Variants in ERC2 observed in about 807,000 individuals in gnomAD.
The protein encoded by ERC2 is ERC protein 2.
In ERC2, 42 loss-of-function variants were observed where a neutral mutation model predicts 114.8. The observed-to-expected ratio is 0.37, with a 90% confidence interval of 0.29 to 0.47. ERC2 has a LOEUF of 0.47. Among genes scored for constraint, ERC2 ranks in the 20% least tolerant of loss-of-function variants. ERC2 has a pLI of 0.99. For synonymous variants in ERC2, 454 were observed against 425.5 expected (o/e 1.07, Z -0.82); for missense variants, 939 against 1,150.7 (o/e 0.82, Z 2.66).
chr3:55,691,944 G>C (rs1354040184), intron 16 of ERC2, among the ~76,000 whole-genome samples: 2 of 152,072 alleles, frequency 1.3e-5, no homozygotes, highest in Non-Finnish European at 2.9e-5. Context: ...CAGTTCATCT[G>C]ACATAGAGCA....
At chr3:56,197,949 A>T (rs1299675646) in intron 3 of ERC2, among the ~76,000 whole-genome samples, 1 of 152,218 alleles carries the variant, frequency 6.6e-6, no homozygotes, top group Non-Finnish European at 1.5e-5. Flanking sequence ...ACACTGATCA[A>T]TTCCTGGAAC....
At chr3:56,086,552 T>G (rs1242010407) in intron 6 of ERC2, among the ~76,000 whole-genome samples, 1 of 151,528 alleles carries the variant, frequency 6.6e-6, no homozygotes, top group Non-Finnish European at 1.5e-5. Context: ...ACAAGCAACA[T>G]TAGCCCAGTG....
At chr3:55,700,463 G>A (rs2063163419) in intron 15 of ERC2, among the ~76,000 whole-genome samples, 1 of 152,210 alleles carries the variant, frequency 6.6e-6, no homozygotes, top group Admixed American at 6.5e-5. Flanking sequence ...TCTAAAATGA[G>A]AGGAATAGTG....
chr3:55,640,804 G>A (rs767666065), intron 17 of ERC2, among the ~76,000 whole-genome samples: 6 of 152,134 alleles, frequency 3.9e-5, no homozygotes, highest in Admixed American at 2.0e-4. Flanking sequence ...TGTAGGAGAC[G>A]TTCTTTTTGC....
chr3:55,694,752 A>C (rs1362602566), intron 16 of ERC2, among the ~76,000 whole-genome samples: 2 of 152,228 alleles, frequency 1.3e-5, no homozygotes, highest in East Asian at 3.8e-4. Context: ...AAGTGCTTTA[A>C]CACATAGAAG....
Position 55,645,962 on chromosome 3 carries a change from G to C in ERC2, c.*39+37832C>G, listed in dbSNP as rs1267015557. The stretch of plus-strand genomic sequence containing the variant: ...GTTGCACATAGTGGCTGGTGAGGGG[G>C]AAATAATACATTTCAGGCAAGTGTA... On this transcript the variant is annotated intron_variant, in intron 17 of 17. Coordinates refer to ENST00000288221, the MANE Select transcript of ERC2 (RefSeq NM_015576.3). Among the ~76,000 whole-genome samples the C allele has an allele frequency of 5.9e-5, 9 of 152,252 alleles. No individual in the cohort carries two copies. In the South Asian group the frequency reaches 1.5e-3, roughly 25 times the overall value.
At chr3:56,334,200 GCCTGGAGCATCTGGGGGCCA>G (rs1281339380) in intron 2 of ERC2, among the ~76,000 whole-genome samples, 2 of 152,212 alleles carry the variant, frequency 1.3e-5, no homozygotes, top group Non-Finnish European at 2.9e-5. Context: ...ACAAGAAGGT[GCCTGGAGCATCTGGGGGCCA>G]CCTCCTCAGC....
chr3:55,692,626 C>A (rs1256482255), intron 16 of ERC2, among the ~76,000 whole-genome samples: 2 of 152,160 alleles, frequency 1.3e-5, no homozygotes, highest in East Asian at 3.9e-4. Flanking sequence ...GCCAACTCTA[C>A]CTTATGGCTC....
At chr3:55,593,328 C>T (rs941608700) in intron 17 of ERC2, among the ~76,000 whole-genome samples, 1 of 152,142 alleles carries the variant, frequency 6.6e-6, no homozygotes, top group African/African-American at 2.4e-5. Context: ...TGTGGGAGCA[C>T]TGAAGGGTCA....
intron 17 of ERC2, among the ~76,000 whole-genome samples, chr3:55,546,808 C>T (rs1223516244): frequency 6.6e-6 from 1 of 152,238 alleles, no homozygotes; most frequent in African/African-American, 2.4e-5. Flanking sequence ...CTCCCCACCC[C>T]TAACCCAGCC....
Position 56,032,916 on chromosome 3 carries a change from A to AG in ERC2, c.1642-13886_1642-13885insC, listed in dbSNP as rs1306086307. ...GAGAGAGAGACAGAAAGAAAGAAAGAAAGAAAGAAAGAAAGAAAGAAAGAA... is the reference window on the plus strand; with the variant it reads ...GAGAGAGAGACAGAAAGAAAGAAAGAGAAGAAAGAAAGAAAGAAAGAAAGAA... On this transcript the variant is annotated intron_variant, in intron 7 of 17. Transcript: ENST00000288221. Among the ~76,000 whole-genome samples, 507 of 78,608 alleles carry AG rather than the reference A, an allele frequency of 6.4e-3. 6 individuals are homozygous for AG. Among genetic ancestry groups the AG allele is most frequent in the Admixed American group, 0.014 (87 of 6,142 alleles). 51.6% of individuals were successfully genotyped at this position (78,608 alleles called of 152,430 possible).
At chr3:56,462,662 A>G (rs778703015) in intron 1 of ERC2, among the ~76,000 whole-genome samples, 1 of 152,120 alleles carries the variant, frequency 6.6e-6, no homozygotes, top group Admixed American at 6.5e-5. Context: ...CAATGCTTCT[A>G]CTTACTGGTT....
At chr3:56,195,500 C>CGCGT (rs1553873462) in intron 3 of ERC2, among the ~76,000 whole-genome samples, 1 of 149,924 alleles carries the variant, frequency 6.7e-6, no homozygotes, top group African/African-American at 2.5e-5. Context: ...TGCGTGTGTG[C>CGCGT]GTGTGTGTGT....
At chr3:55,614,088 G>T (rs1215707118) in intron 17 of ERC2, among the ~76,000 whole-genome samples, 1 of 149,100 alleles carries the variant, frequency 6.7e-6, no homozygotes, top group African/African-American at 2.5e-5. Context: ...ATAGACTTCT[G>T]TTCACTGTTG....
At chr3:55,669,763 T>C (rs1356247968) in intron 17 of ERC2, among the ~76,000 whole-genome samples, 1 of 152,164 alleles carries the variant, frequency 6.6e-6, no homozygotes, top group Non-Finnish European at 1.5e-5. Flanking sequence ...AGCCAGGTGG[T>C]TTTTGGTGCA....
rs534031122 is a variant in ERC2, at chr3:55,768,736, C to T, written c.2565-33818G>A. ...CTTAGAAGAAGCAAGCCAATGGGGCCGGAGCTTAGGAAGACAGAAGAAGGT... is the reference window on the plus strand; with the variant it reads ...CTTAGAAGAAGCAAGCCAATGGGGCTGGAGCTTAGGAAGACAGAAGAAGGT... On this transcript the variant is annotated intron_variant, in intron 14 of 17. Transcript: ENST00000288221. Among the ~76,000 whole-genome samples, 3 of 152,022 alleles carry T rather than the reference C, an allele frequency of 2.0e-5. No homozygotes were observed. The East Asian group carries it at 5.8e-4, about 29-fold the overall frequency.
At chr3:56,184,833 T>C (rs180949786) in intron 3 of ERC2, among the ~76,000 whole-genome samples, 8 of 152,222 alleles carry the variant, frequency 5.3e-5, no homozygotes, top group Admixed American at 3.3e-4. Context: ...GAATGCAAAA[T>C]AAGCATCCAG....
At chr3:55,806,615 G>T (rs1410832476) in intron 14 of ERC2, among the ~76,000 whole-genome samples, 1 of 152,150 alleles carries the variant, frequency 6.6e-6, no homozygotes, top group Non-Finnish European at 1.5e-5. Context: ...CTAGGGAGGG[G>T]TGCTACTGGC....
intron 17 of ERC2, among the ~76,000 whole-genome samples, chr3:55,668,465 C>T (rs114706263): frequency 7.2e-4 from 110 of 152,324 alleles, no homozygotes; most frequent in African/African-American, 2.5e-3. Context: ...CCTTCCTTAA[C>T]GGTTGTGCTC....
Sources: allele counts gnomAD v4.1 joint callset (sites outside exome capture counted in the v4.1 genomes callset), GRCh38; gene constraint gnomAD v4.1.1; transcripts MANE v1.5; gene names NCBI Gene and HGNC (gene_info 2026-07-23, HGNC 2026-07-21).